Variants in REC114 observed in about 807,000 individuals in gnomAD.
The protein encoded by REC114 is REC114 meiotic recombination protein, also known as meiotic recombination protein REC114.
A neutral mutation model predicts 31.3 loss-of-function variants in REC114; 27 were observed. The ratio of observed to expected loss-of-function variants is 0.86; its 90% CI spans 0.64 to 1.19. The LOEUF is 1.19. Ranked by LOEUF, REC114 falls within the 50% of genes most tolerant of loss-of-function variation. REC114 has a pLI of 0.00. For synonymous variants in REC114, 134 were observed against 127.7 expected, an observed-to-expected ratio of 1.05 and a Z score of -0.33; for missense variants, 344 against 326.9, an observed-to-expected ratio of 1.05 and a Z score of -0.40.
chr15:73,454,653 A>G (rs2151252223), intron 1 of REC114, among the ~76,000 whole-genome samples: 1 of 152,312 alleles, frequency 6.6e-6, no homozygotes, highest in African/African-American at 2.4e-5. Context: ...ATACAAAATG[A>G]GGTGAAGAAG....
chr15:73,505,536 T>C (rs187555901), intron 2 of REC114, among the ~76,000 whole-genome samples: 26 of 152,144 alleles, frequency 1.7e-4, no homozygotes. Flanking sequence ...CTCCTTCCTT[T>C]TTTTTTTGTT....
intron 2 of REC114, among the ~76,000 whole-genome samples, chr15:73,514,248 A>G (rs979318805): frequency 1.3e-5 from 2 of 150,452 alleles, no homozygotes; most frequent in Non-Finnish European, 3.0e-5. Context: ...CGGAAAGGGA[A>G]CTCCCTGACC....
intron 4 of REC114, among the ~76,000 whole-genome samples, chr15:73,553,257 C>T (rs1036046728): frequency 3.3e-5 from 5 of 152,142 alleles, no homozygotes; most frequent in African/African-American, 1.2e-4. Context: ...TTGGTGTTTT[C>T]CTTCCCTTCG....
At chr15:73,485,361 T>C (rs1045969699) in intron 2 of REC114, among the ~76,000 whole-genome samples, 1 of 152,114 alleles carries the variant, frequency 6.6e-6, no homozygotes, top group East Asian at 1.9e-4. Context: ...GGATTACAGG[T>C]GTGAGCCACC....
chr15:73,443,378 C>T, intron 1 of REC114, 34 bp downstream of exon 1: 2 of 1,540,246 alleles, frequency 1.3e-6, no homozygotes, highest in Non-Finnish European at 1.7e-6. Flanking sequence ...CCCTGAGGTG[C>T]CCACAGCCCT....
intron 2 of REC114, among the ~76,000 whole-genome samples, chr15:73,482,090 G>A: frequency 6.6e-6 from 1 of 152,018 alleles, no homozygotes; most frequent in East Asian, 1.9e-4. Flanking sequence ...TTAAACAACT[G>A]CCCATTATTT....
chr15:73,463,842 C>G (rs1348060882), intron 1 of REC114, among the ~76,000 whole-genome samples: 3 of 152,092 alleles, frequency 2.0e-5, no homozygotes, highest in East Asian at 3.9e-4. Flanking sequence ...TCCCTAGACT[C>G]CTTCGGTGTT....
At chr15:73,503,356 A>G (rs1893627264) in intron 2 of REC114, among the ~76,000 whole-genome samples, 1 of 152,146 alleles carries the variant, frequency 6.6e-6, no homozygotes, top group Non-Finnish European at 1.5e-5. Context: ...GTATGTTTAT[A>G]CCTCAACTTT....
intron 2 of REC114, among the ~76,000 whole-genome samples, chr15:73,523,362 T>G (rs1302064709): frequency 1.3e-5 from 2 of 150,626 alleles, no homozygotes; most frequent in African/African-American, 4.9e-5. Flanking sequence ...GGAAGTGAGG[T>G]ACAGAACAGC....
chr15:73,513,800 G>C (rs1893814485), intron 2 of REC114, among the ~76,000 whole-genome samples: 1 of 151,482 alleles, frequency 6.6e-6, no homozygotes, highest in Non-Finnish European at 1.5e-5. Context: ...CAGTCTGCCG[G>C]TTCTCAGATC....
intron 2 of REC114, among the ~76,000 whole-genome samples, chr15:73,476,257 A>G (rs74539050): frequency 0.02 from 3,054 of 152,288 alleles, 124 homozygotes; most frequent in African/African-American, 0.069. Context: ...TTATTGAGGT[A>G]TAATTTACAT....
intron 1 of REC114, among the ~76,000 whole-genome samples, chr15:73,448,388 T>C (rs1892798022): frequency 6.6e-6 from 1 of 152,078 alleles, no homozygotes; most frequent in African/African-American, 2.4e-5. Flanking sequence ...ACCAGGAAGT[T>C]TGAACTGGGT....
intron 2 of REC114, among the ~76,000 whole-genome samples, chr15:73,485,078 T>C (rs1893347015): frequency 6.6e-6 from 1 of 152,204 alleles, no homozygotes; most frequent in Admixed American, 6.5e-5. Context: ...AAGTTATTCA[T>C]ACCATTAAAC....
intron 2 of REC114, among the ~76,000 whole-genome samples, chr15:73,500,477 G>C (rs777868867): frequency 4.6e-5 from 7 of 152,126 alleles, no homozygotes; most frequent in Non-Finnish European, 1.0e-4. Context: ...GGTGATAGAA[G>C]TCAGGATAGC....
At chr15:73,476,903 C>T (rs534646192) in intron 2 of REC114, among the ~76,000 whole-genome samples, 51 of 152,300 alleles carry the variant, frequency 3.3e-4, no homozygotes, top group African/African-American at 1.1e-3. Context: ...AGAGAAGAAC[C>T]GCTGAGTCAT....
At chr15:73,450,440 C>A (rs1430226612) in intron 1 of REC114, among the ~76,000 whole-genome samples, 1 of 152,114 alleles carries the variant, frequency 6.6e-6, no homozygotes, top group Non-Finnish European at 1.5e-5. Context: ...GCTAACTATC[C>A]TAAATATATA....
intron 1 of REC114, among the ~76,000 whole-genome samples, chr15:73,461,362 T>A (rs1466829825): frequency 1.3e-5 from 2 of 152,178 alleles, no homozygotes; most frequent in African/African-American, 4.8e-5. Context: ...TCATATTTTA[T>A]AGTGCATAAA....
chr15:73,449,701 C>T (rs368792288), intron 1 of REC114, among the ~76,000 whole-genome samples: 6 of 152,056 alleles, frequency 3.9e-5, no homozygotes, highest in South Asian at 4.1e-4. Context: ...TCGTCAGATA[C>T]ACACCAAGGT....
intron 2 of REC114, chr15:73,483,701 G>A (rs1441398975): frequency 6.6e-6 from 1 of 152,276 alleles, no homozygotes; most frequent in African/African-American, 2.4e-5. Context: ...CTGTATCATT[G>A]CCCTTCTCAA....
Sources: allele counts gnomAD v4.1 joint callset (sites outside exome capture counted in the v4.1 genomes callset), GRCh38; gene constraint gnomAD v4.1.1; transcripts MANE v1.5; gene names NCBI Gene and HGNC (gene_info 2026-07-23, HGNC 2026-07-21).